The following EFHC2 variants were observed in gnomAD, a reference collection of about 807,000 sequenced individuals.
The protein encoded by EFHC2 is EF-hand domain-containing family member C2.
In EFHC2, 18 loss-of-function variants were observed where a neutral mutation model predicts 52.7. That is an observed-to-expected ratio of 0.34 (90% CI 0.24 to 0.51). The LOEUF is 0.51. EFHC2 is among the 20% of genes least tolerant of loss of function. The pLI is 0.97. For missense variants in EFHC2, 513 were observed against 562.5 expected (o/e 0.91, Z 0.89); for synonymous variants, 203 against 204.1 (o/e 0.99, Z 0.04).
intron 13 of EFHC2, among the ~76,000 whole-genome samples, chrX:44,164,574 T>C (rs1272328558): frequency 8.9e-6 from 1 of 112,055 alleles, no homozygotes; most frequent in African/African-American, 3.2e-5. Context: ...AATATGTTCT[T>C]GATACACGGT....
chrX:44,331,451 A>G (rs2038086008), intron 1 of EFHC2, among the ~76,000 whole-genome samples: 1 of 111,620 alleles, frequency 9.0e-6, no homozygotes, highest in Admixed American at 9.5e-5. Flanking sequence ...TGGTGATAAG[A>G]CTGTTTTATA....
At chrX:44,238,099 A>G (rs1251291258) in intron 8 of EFHC2, among the ~76,000 whole-genome samples, 1 of 111,253 alleles carries the variant, frequency 9.0e-6, no homozygotes, top group Non-Finnish European at 1.9e-5. Context: ...CTAAAACTGA[A>G]CTTCTACTCT....
chrX:44,262,261 G>A (rs922492888), intron 3 of EFHC2, among the ~76,000 whole-genome samples: 4 of 109,549 alleles, frequency 3.7e-5, no homozygotes, highest in African/African-American at 1.3e-4. Context: ...TTTGGAGGCC[G>A]AGGCAGGCAG....
intron 2 of EFHC2, among the ~76,000 whole-genome samples, chrX:44,308,878 A>G (rs1212620482): frequency 8.9e-6 from 1 of 112,981 alleles, no homozygotes; most frequent in African/African-American, 3.2e-5. Flanking sequence ...AAACCAAATA[A>G]ATCAAGCTAT....
At chrX:44,224,931 CTG>C (rs2037219972) in intron 11 of EFHC2, among the ~76,000 whole-genome samples, 5 of 111,861 alleles carry the variant, frequency 4.5e-5, no homozygotes, top group African/African-American at 1.3e-4. Flanking sequence ...GCTGCTGCTG[CTG>C]CCTGTGGTTC....
intron 1 of EFHC2, among the ~76,000 whole-genome samples, chrX:44,338,873 T>C (rs1257419190): frequency 1.8e-5 from 2 of 111,357 alleles, no homozygotes; most frequent in African/African-American, 3.3e-5. Context: ...CCTCCTAAGA[T>C]GGTGGCAAGG....
chrX:44,343,568 C>T lies in EFHC2; in HGVS notation c.21G>A (p.Pro7=), dbSNP rs1358806754. 4.2e-6 allele frequency: 5 copies of T among 1,196,268 alleles called. No homozygotes were observed. In the Admixed American group the frequency reaches 6.8e-5, roughly 16 times the overall value. Residue 7 remains proline (P), a synonymous_variant, in exon 1 of 15, where the codon CCG becomes CCA. Coordinates refer to ENST00000420999, the MANE Select transcript of EFHC2 (RefSeq NM_025184.4). ...TCACGTTGCGGTTGAAGCTGTTGCC[C>T]GGCAGCAGAGGCAGGGCCATGGCGC... The part of the protein sequence containing the change: MALPLL[P]GNSFNRNVGK...
chrX:44,167,566 A>G (rs1248151166), intron 13 of EFHC2, among the ~76,000 whole-genome samples: 1 of 112,746 alleles, frequency 8.9e-6, no homozygotes. Context: ...ATATTCAGGA[A>G]GGTCCACTGA....
intron 4 of EFHC2, among the ~76,000 whole-genome samples, chrX:44,256,848 A>C (rs2037496220): frequency 9.0e-6 from 1 of 111,401 alleles, no homozygotes; most frequent in Non-Finnish European, 1.9e-5. Flanking sequence ...ACAACACAAA[A>C]AGGAAATTTC....
At chrX:44,318,227 C>T (rs1405392524) in intron 1 of EFHC2, among the ~76,000 whole-genome samples, 2 of 112,210 alleles carry the variant, frequency 1.8e-5, no homozygotes, top group Non-Finnish European at 3.8e-5. Flanking sequence ...ATCGTGCTAC[C>T]ATGTGGATGA....
At chrX:44,191,667 C>T (rs897064628) in intron 11 of EFHC2, among the ~76,000 whole-genome samples, 2 of 111,758 alleles carry the variant, frequency 1.8e-5, no homozygotes, top group African/African-American at 3.3e-5. Flanking sequence ...ACTTAACTTT[C>T]GTTTATCTCA....
At chrX:44,320,304 A>ATCC (rs2038010240) in intron 1 of EFHC2, among the ~76,000 whole-genome samples, 1 of 111,710 alleles carries the variant, frequency 9.0e-6, no homozygotes, top group African/African-American at 3.3e-5. Context: ...AAGAATAGTG[A>ATCC]TCCAGGAAGC....
rs772291501 is a variant in EFHC2, at chrX:44,311,793, T to G, written c.231+775A>C. ...GCCCTTAGGGATGGGGAATCATTAC[T>G]ACGGTTTATTACTAATTAGTATGGA... On this transcript the variant is annotated intron_variant, in intron 2 of 14. Transcript: ENST00000420999. 9.8e-5 allele frequency among the ~76,000 whole-genome samples: 11 copies of G among 112,019 alleles called. No individual in the cohort carries two copies. The East Asian group carries it at 3.1e-3, about 31-fold the overall frequency.
intron 7 of EFHC2, among the ~76,000 whole-genome samples, chrX:44,246,841 A>G (rs922662970): frequency 1.8e-5 from 2 of 112,504 alleles, no homozygotes; most frequent in African/African-American, 6.5e-5. Flanking sequence ...ATGCTTTGGA[A>G]CACCACATCC....
intron 8 of EFHC2, among the ~76,000 whole-genome samples, chrX:44,238,622 G>A (rs1381436872): frequency 9.0e-6 from 1 of 110,907 alleles, no homozygotes; most frequent in Non-Finnish European, 1.9e-5. Flanking sequence ...CGGCCTCCCG[G>A]ATGCTCCTTG....
chrX:44,315,226 T>C (rs377183476), intron 1 of EFHC2, among the ~76,000 whole-genome samples: 134 of 111,218 alleles, frequency 1.2e-3, no homozygotes, highest in Middle Eastern at 4.6e-3. Flanking sequence ...TTGGAAGCTT[T>C]CTGAGGCCCT....
At chrX:44,293,730 G>T (rs1222813553) in intron 2 of EFHC2, among the ~76,000 whole-genome samples, 2 of 110,783 alleles carry the variant, frequency 1.8e-5, no homozygotes, top group East Asian at 5.7e-4. Flanking sequence ...GTTTCTTCAG[G>T]TCATATATAG....
At chrX:44,275,633 G>A (rs1047308185) in intron 2 of EFHC2, among the ~76,000 whole-genome samples, 2 of 108,619 alleles carry the variant, frequency 1.8e-5, no homozygotes, top group African/African-American at 6.7e-5. Context: ...AAGGTCCTAG[G>A]CCGGGCATGA....
chrX:44,248,179 A>C, intron 7 of EFHC2, 93 bp downstream of exon 7: 2 of 769,542 alleles, frequency 2.6e-6, no homozygotes, highest in Non-Finnish European at 3.6e-6. Flanking sequence ...AGCTATTATG[A>C]GCCTAGCATT....
Sources: gnomAD v4.1 joint callset for allele counts (sites outside exome capture counted in the v4.1 genomes callset) on GRCh38, gnomAD v4.1.1 for gene constraint, MANE v1.5 for transcripts, NCBI Gene and HGNC (gene_info 2026-07-23, HGNC 2026-07-21) for gene names.